The following LRMDA variants were observed in gnomAD, a reference collection of about 807,000 sequenced individuals.
The protein encoded by LRMDA is leucine-rich melanocyte differentiation-associated protein.
In LRMDA, 18 loss-of-function variants were observed where a neutral mutation model predicts 29.8. The ratio of observed to expected loss-of-function variants is 0.60; its 90% CI spans 0.42 to 0.90. LRMDA has a LOEUF of 0.90. Ranked by LOEUF, LRMDA falls within the 40% of genes least tolerant of loss-of-function variation. LRMDA has a pLI of 0.00. For missense variants in LRMDA, 273 were observed against 273.9 expected (o/e 1.00, Z 0.02); for synonymous variants, 125 against 109.4 (o/e 1.14, Z -0.89).
intron 6 of LRMDA, among the ~76,000 whole-genome samples, chr10:76,455,258 G>A (rs1031149085): frequency 2.0e-4 from 30 of 152,128 alleles, no homozygotes; most frequent in South Asian, 2.1e-4. Flanking sequence ...GTCACCCAAC[G>A]CCCAAATCCC....
At chr10:76,053,224 A>C (rs1385441991) in intron 4 of LRMDA, among the ~76,000 whole-genome samples, 1 of 152,146 alleles carries the variant, frequency 6.6e-6, no homozygotes, top group Non-Finnish European at 1.5e-5. Context: ...TTCAAAACAA[A>C]CTGATTGAAC....
intron 2 of LRMDA, among the ~76,000 whole-genome samples, chr10:75,527,166 A>G (rs1480419582): frequency 6.6e-6 from 1 of 152,160 alleles, no homozygotes; most frequent in Non-Finnish European, 1.5e-5. Context: ...CACTCAGAAT[A>G]CTATTTTTAA....
chr10:75,742,594 T>C (rs1388654165), intron 2 of LRMDA: 1 of 152,202 alleles, frequency 6.6e-6, no homozygotes, highest in African/African-American at 2.4e-5. Context: ...TCCTTTTTCT[T>C]ACAGAAGCCT....
At chr10:76,375,674 T>C (rs1841507695) in intron 6 of LRMDA, among the ~76,000 whole-genome samples, 1 of 151,936 alleles carries the variant, frequency 6.6e-6, no homozygotes, top group Non-Finnish European at 1.5e-5. Flanking sequence ...CCTACAAGTC[T>C]TAAATCCTGA....
chr10:75,483,422 A>G (rs1468071145), intron 2 of LRMDA, among the ~76,000 whole-genome samples: 1 of 152,216 alleles, frequency 6.6e-6, no homozygotes, highest in African/African-American at 2.4e-5. Context: ...AGAATTTAAT[A>G]TCTCTGTCTT....
rs188544124 is a variant in LRMDA at position 75,914,309 on chromosome 10, C to G, written c.132-121699C>G. ...TAGTTTATGTTAATGGGTATTTTGC[C>G]TCTCCTATTCGTGTTACTTTACTCC... On this transcript the variant is annotated intron_variant, in intron 2 of 6. Transcript: ENST00000611255. Among the ~76,000 whole-genome samples the G allele has an allele frequency of 1.8e-3, 276 of 152,258 alleles. 3 individuals carry two copies. The highest frequency in any genetic ancestry group is 6.0e-3 in the African/African-American group (251 of 41,550).
At chr10:76,552,124 T>C (rs545556006) in intron 6 of LRMDA, among the ~76,000 whole-genome samples, 8 of 152,388 alleles carry the variant, frequency 5.2e-5, no homozygotes, top group South Asian at 2.1e-4. Context: ...TATTCTATTT[T>C]ACAAATATAA....
At chr10:76,197,476 G>A (rs1297769839) in intron 5 of LRMDA, among the ~76,000 whole-genome samples, 1 of 152,190 alleles carries the variant, frequency 6.6e-6, no homozygotes, top group African/African-American at 2.4e-5. Context: ...TCTCCCTGGA[G>A]ACAGTTGGCA....
intron 2 of LRMDA, among the ~76,000 whole-genome samples, chr10:75,673,320 G>A (rs1257462126): frequency 1.3e-5 from 2 of 152,172 alleles, no homozygotes; most frequent in African/African-American, 2.4e-5. Flanking sequence ...TAGCTGGATG[G>A]TATACCGCTC....
intron 2 of LRMDA, among the ~76,000 whole-genome samples, chr10:75,764,069 G>T (rs1843130503): frequency 1.3e-5 from 2 of 151,948 alleles, no homozygotes; most frequent in Non-Finnish European, 2.9e-5. Context: ...CCCGGCTGAG[G>T]GTGGGGCTGG....
At chr10:75,585,174 G>A (rs1840641794) in intron 2 of LRMDA, among the ~76,000 whole-genome samples, 1 of 152,190 alleles carries the variant, frequency 6.6e-6, no homozygotes, top group South Asian at 2.1e-4. Flanking sequence ...ACCAAGGGCA[G>A]CTGCACACTG....
intron 2 of LRMDA, among the ~76,000 whole-genome samples, chr10:75,645,248 G>A (rs1044750694): frequency 2.0e-5 from 3 of 152,212 alleles, no homozygotes; most frequent in African/African-American, 4.8e-5. Flanking sequence ...CTCCCAAAGT[G>A]CTGGGATTAC....
intron 2 of LRMDA, among the ~76,000 whole-genome samples, chr10:75,829,086 A>G (rs1030823314): frequency 1.3e-5 from 2 of 152,214 alleles, no homozygotes; most frequent in Non-Finnish European, 2.9e-5. Context: ...ACAAGATTCA[A>G]AAGTTAGTCT....
chr10:75,557,083 G>A (rs377264493), intron 2 of LRMDA, among the ~76,000 whole-genome samples: 15 of 152,112 alleles, frequency 9.9e-5, no homozygotes, highest in African/African-American at 3.6e-4. Flanking sequence ...GGAAGCTGAG[G>A]TGAACTGATC....
intron 2 of LRMDA, among the ~76,000 whole-genome samples, chr10:75,562,024 A>T (rs1416404040): frequency 6.6e-6 from 1 of 151,842 alleles, no homozygotes; most frequent in Non-Finnish European, 1.5e-5. Context: ...TGGGGTGGAG[A>T]GTTCTGTAGA....
chr10:75,921,065 A>T (rs1208517459), intron 2 of LRMDA, among the ~76,000 whole-genome samples: 1 of 152,254 alleles, frequency 6.6e-6, no homozygotes, highest in Non-Finnish European at 1.5e-5. Flanking sequence ...TTAGATATTT[A>T]AACAGGGATA....
chr10:76,405,816 G>A (rs183013720), intron 6 of LRMDA, among the ~76,000 whole-genome samples: 16 of 152,178 alleles, frequency 1.1e-4, no homozygotes, highest in East Asian at 3.9e-4. Flanking sequence ...GCCCCCGTGC[G>A]TTCCTTTTTC....
At chr10:76,394,643 T>C (rs1281695380) in intron 6 of LRMDA, among the ~76,000 whole-genome samples, 2 of 152,140 alleles carry the variant, frequency 1.3e-5, no homozygotes, top group African/African-American at 2.4e-5. Flanking sequence ...TACTTGTCTA[T>C]GTGATCAAGC....
At chr10:75,460,125 G>GT (rs1844567601) in intron 2 of LRMDA, among the ~76,000 whole-genome samples, 1 of 152,164 alleles carries the variant, frequency 6.6e-6, no homozygotes, top group Admixed American at 6.6e-5. Flanking sequence ...AATACACTCA[G>GT]TTAAGTATTT....
Sources: gnomAD v4.1 joint callset for allele counts (sites outside exome capture counted in the v4.1 genomes callset) on GRCh38, gnomAD v4.1.1 for gene constraint, MANE v1.5 for transcripts, NCBI Gene and HGNC (gene_info 2026-07-23, HGNC 2026-07-21) for gene names.